SLC8A1: variants seen among roughly 807,000 people sequenced by gnomAD.
The protein encoded by SLC8A1 is sodium/calcium exchanger 1.
SLC8A1 carries 18 observed loss-of-function variants against 68.3 expected under a neutral mutation model. The ratio of observed to expected loss-of-function variants is 0.26; its 90% CI spans 0.18 to 0.39. The LOEUF is 0.39. Among genes scored for constraint, SLC8A1 ranks in the 10% least tolerant of loss-of-function variants. The pLI, the probability that SLC8A1 is intolerant of heterozygous loss-of-function variation, is 1.00. For missense variants in SLC8A1, 985 were observed against 1,156.7 expected, an observed-to-expected ratio of 0.85 and a Z score of 2.15; for synonymous variants, 475 against 415.5, an observed-to-expected ratio of 1.14 and a Z score of -1.74.
chr2:40,125,631 T>C (rs775481273), intron 7 of SLC8A1, among the ~76,000 whole-genome samples: 6 of 152,224 alleles, frequency 3.9e-5, no homozygotes, highest in Non-Finnish European at 8.8e-5. Flanking sequence ...GCATATTCAC[T>C]TAACCTGACA....
intron 2 of SLC8A1, among the ~76,000 whole-genome samples, chr2:40,324,454 CA>C (rs2075583947): frequency 6.6e-6 from 1 of 152,162 alleles, no homozygotes; most frequent in African/African-American, 2.4e-5. Flanking sequence ...TAAACAGGAT[CA>C]AACATTCCAT....
At chr2:40,511,817 G>A (rs1019212514) in intron 1 of SLC8A1, among the ~76,000 whole-genome samples, 3 of 152,150 alleles carry the variant, frequency 2.0e-5, no homozygotes, top group African/African-American at 7.2e-5. Flanking sequence ...TGAACAGGAT[G>A]TAATCAACCT....
chr2:40,139,030 T>C (rs1294309677), intron 7 of SLC8A1, among the ~76,000 whole-genome samples: 3 of 152,210 alleles, frequency 2.0e-5, no homozygotes, highest in South Asian at 4.1e-4. Flanking sequence ...ATGTACCAAG[T>C]ATATAAAAGA....
At chr2:40,139,907 C>T (rs1453842300) in intron 6 of SLC8A1, among the ~76,000 whole-genome samples, 2 of 152,172 alleles carry the variant, frequency 1.3e-5, no homozygotes, top group African/African-American at 4.8e-5. Context: ...AAACTTAACC[C>T]CTACCCAGTT....
intron 2 of SLC8A1, among the ~76,000 whole-genome samples, chr2:40,212,838 A>G (rs560151295): frequency 4.6e-5 from 7 of 152,314 alleles, no homozygotes; most frequent in Admixed American, 4.6e-4. Flanking sequence ...TTCTGCTATC[A>G]GCCACATGTA....
At chr2:40,504,722 ACTGATCATCAG>A (rs1393468035) in intron 1 of SLC8A1, among the ~76,000 whole-genome samples, 1 of 151,994 alleles carries the variant, frequency 6.6e-6, no homozygotes, top group Non-Finnish European at 1.5e-5. Context: ...GCTCAACACC[ACTGATCATCAG>A]AGAAATGCAA....
intron 2 of SLC8A1, among the ~76,000 whole-genome samples, chr2:40,293,895 C>A (rs1420947061): frequency 6.6e-6 from 1 of 151,980 alleles, no homozygotes; most frequent in Non-Finnish European, 1.5e-5. Flanking sequence ...AACAGAGTAT[C>A]CAGATGTTAT....
chr2:40,461,646 T>C (rs536811561), intron 1 of SLC8A1, among the ~76,000 whole-genome samples: 3 of 152,330 alleles, frequency 2.0e-5, no homozygotes, highest in African/African-American at 7.2e-5. Context: ...CTGATTTTAC[T>C]ATTATTTCAG....
At chr2:40,504,153 C>T (rs867819371) in intron 1 of SLC8A1, among the ~76,000 whole-genome samples, 2 of 151,916 alleles carry the variant, frequency 1.3e-5, no homozygotes, top group South Asian at 4.1e-4. Flanking sequence ...CAAATCCACA[C>T]ACCTATAGAT....
intron 2 of SLC8A1, among the ~76,000 whole-genome samples, chr2:40,282,301 C>G (rs1463401379): frequency 6.6e-6 from 1 of 152,122 alleles, no homozygotes; most frequent in Non-Finnish European, 1.5e-5. Flanking sequence ...ATTCAGCTTG[C>G]TCACCCCAGA....
At chr2:40,470,227 A>T (rs1039525842) in intron 1 of SLC8A1, among the ~76,000 whole-genome samples, 4 of 152,112 alleles carry the variant, frequency 2.6e-5, no homozygotes, top group African/African-American at 9.6e-5. Context: ...ACTTTGGGAA[A>T]ACTTAAAAAT....
At chr2:40,194,469 A>ATGTGTGTGTGTGTGTGTGTG (rs543194094) in intron 2 of SLC8A1, among the ~76,000 whole-genome samples, 1 of 137,328 alleles carries the variant, frequency 7.3e-6, no homozygotes, top group African/African-American at 2.7e-5. Flanking sequence ...TCAGTAAGCA[A>ATGTGTGTGTGTGTGTGTGTG]TGTGTGTGTG....
chr2:40,221,478 A>G (rs1019776365), intron 2 of SLC8A1, among the ~76,000 whole-genome samples: 2 of 152,274 alleles, frequency 1.3e-5, no homozygotes, highest in East Asian at 1.9e-4. Flanking sequence ...GCACAAGACA[A>G]GGATGCCCTC....
At chr2:40,176,576 C>T (rs2048503496) in intron 3 of SLC8A1, among the ~76,000 whole-genome samples, 1 of 152,148 alleles carries the variant, frequency 6.6e-6, no homozygotes. Flanking sequence ...ACTCCAAATA[C>T]TCCAAATACT....
intron 2 of SLC8A1, among the ~76,000 whole-genome samples, chr2:40,392,426 A>ATCTTTTCC (rs1198581805): frequency 6.6e-6 from 1 of 152,070 alleles, no homozygotes; most frequent in Non-Finnish European, 1.5e-5. Context: ...AGGAAGAGAA[A>ATCTTTTCC]TATCTTGGGA....
At chr2:40,497,199 G>A (rs1705768839) in intron 1 of SLC8A1, among the ~76,000 whole-genome samples, 1 of 151,962 alleles carries the variant, frequency 6.6e-6, no homozygotes, top group South Asian at 2.1e-4. Flanking sequence ...TCCTGCTTGG[G>A]GCATGTGAAA....
intron 1 of SLC8A1, among the ~76,000 whole-genome samples, chr2:40,496,581 T>C (rs904417595): frequency 6.6e-6 from 1 of 151,998 alleles, no homozygotes; most frequent in Non-Finnish European, 1.5e-5. Flanking sequence ...ACAAGCAGGG[T>C]ATTCAATTAA....
At chr2:40,494,169 T>G (rs1044363853) in intron 1 of SLC8A1, among the ~76,000 whole-genome samples, 71 of 152,056 alleles carry the variant, frequency 4.7e-4, no homozygotes, top group Admixed American at 2.6e-4. Context: ...CTGTCCCACT[T>G]CCATGTGGTG....
intron 7 of SLC8A1, among the ~76,000 whole-genome samples, chr2:40,116,178 A>G (rs1426258395): frequency 6.6e-6 from 1 of 152,210 alleles, no homozygotes; most frequent in Non-Finnish European, 1.5e-5. Context: ...ATTTTTCAAG[A>G]TTCAAGAGCA....
Sources: allele counts gnomAD v4.1 joint callset (sites outside exome capture counted in the v4.1 genomes callset), GRCh38; gene constraint gnomAD v4.1.1; transcripts MANE v1.5; gene names NCBI Gene and HGNC (gene_info 2026-07-23, HGNC 2026-07-21).